The following SPTBN1 variants were observed in gnomAD, a reference collection of about 807,000 sequenced individuals.
SPTBN1 encodes the protein spectrin beta, non-erythrocytic 1.
A neutral mutation model predicts 266.4 loss-of-function variants in SPTBN1; 32 were observed. The ratio of observed to expected loss-of-function variants is 0.12; its 90% CI spans 0.09 to 0.16. The LOEUF is 0.16. SPTBN1 is among the 10% of genes least tolerant of loss of function. The probability of loss-of-function intolerance (pLI) is 1.00; values close to 1 mark genes in which losing one functional copy is unlikely to be tolerated. For synonymous variants in SPTBN1, 1,336 were observed against 1,162.2 expected (o/e 1.15, Z -3.04); for missense variants, 2,296 against 3,067.1 (o/e 0.75, Z 5.94).
intron 2 of SPTBN1, among the ~76,000 whole-genome samples, chr2:54,550,024 C>G (rs1672477045): frequency 6.6e-6 from 1 of 152,200 alleles, no homozygotes; most frequent in African/African-American, 2.4e-5. Context: ...ACATCACTTT[C>G]TCCCTACCCC....
At chr2:54,517,887 G>T (rs1002950103) in intron 1 of SPTBN1, among the ~76,000 whole-genome samples, 1 of 150,630 alleles carries the variant, frequency 6.6e-6, no homozygotes, top group African/African-American at 2.4e-5. Flanking sequence ...CTCATGATCC[G>T]CCCGCCTCAG....
chr2:54,631,384 A>C lies in SPTBN1; in HGVS notation c.3337A>C (p.Asn1113His). The change falls in exon 16 of 36, where the codon AAC becomes CAC. Residue 1113 changes from asparagine (N) to histidine (H), a missense_variant. By Grantham distance (68) the Asn-to-His change is moderately conservative. Transcript: ENST00000356805. The part of the protein sequence containing the change: ...QHENIKNEID[N>H]YEEDYQKMRD... ...CGAGAACATCAAGAACGAGATCGAC[A>C]ACTACGAGGAGGACTACCAGAAGAT... is the stretch of plus-strand genomic sequence containing the variant. The C allele has an allele frequency of 6.2e-7, 1 of 1,614,260 alleles. No homozygotes were observed. Among genetic ancestry groups the C allele is most frequent in the Non-Finnish European group, 8.5e-7 (1 of 1,180,040 alleles).
chr2:54,484,627 G>A (rs897906502), intron 1 of SPTBN1, among the ~76,000 whole-genome samples: 1 of 152,154 alleles, frequency 6.6e-6, no homozygotes, highest in Non-Finnish European at 1.5e-5. Flanking sequence ...ACTCTTCAGG[G>A]TGCCACTATT....
intron 28 of SPTBN1, 94 bp from the exon 29 acceptor site, chr2:54,655,820 T>C: frequency 1.1e-6 from 1 of 901,652 alleles, no homozygotes; most frequent in Non-Finnish European, 1.7e-6. Context: ...TGGTGGTCTT[T>C]GCAGAAAATG....
intron 2 of SPTBN1, among the ~76,000 whole-genome samples, chr2:54,581,253 G>T (rs1302625092): frequency 1.3e-5 from 2 of 152,132 alleles, no homozygotes; most frequent in Admixed American, 1.3e-4. Context: ...AGTGTAGAAT[G>T]GACAACAAAG....
chr2:54,656,140 T>A, intron 29 of SPTBN1, 142 bp downstream of exon 29: 1 of 635,352 alleles, frequency 1.6e-6, no homozygotes, highest in Non-Finnish European at 2.7e-6. Context: ...TTTCACCATT[T>A]CATGGTAAAT....
intron 18 of SPTBN1, among the ~76,000 whole-genome samples, chr2:54,638,538 A>C (rs909768294): frequency 6.6e-6 from 1 of 152,220 alleles, no homozygotes; most frequent in African/African-American, 2.4e-5. Flanking sequence ...GTACTATTTC[A>C]TGCTCTTCTG....
At chr2:54,473,367 C>G (rs1694023575) in intron 1 of SPTBN1, among the ~76,000 whole-genome samples, 1 of 152,156 alleles carries the variant, frequency 6.6e-6, no homozygotes, top group Non-Finnish European at 1.5e-5. Context: ...ATGTATTGAT[C>G]TTTTCACTTT....
At chr2:54,523,190 A>G (rs777271678) in intron 1 of SPTBN1, among the ~76,000 whole-genome samples, 10 of 152,226 alleles carry the variant, frequency 6.6e-5, no homozygotes, top group African/African-American at 9.6e-5. Flanking sequence ...AGATCATTCA[A>G]TGGAATATAC....
chr2:54,604,064 A>AG (rs1372719700), intron 3 of SPTBN1, among the ~76,000 whole-genome samples: 1 of 152,194 alleles, frequency 6.6e-6, no homozygotes, highest in Non-Finnish European at 1.5e-5. Context: ...CAGGGAAAAT[A>AG]AGTGACCAGC....
At chr2:54,666,918 C>T (rs1347040105) in intron 34 of SPTBN1, among the ~76,000 whole-genome samples, 1 of 152,218 alleles carries the variant, frequency 6.6e-6, no homozygotes, top group East Asian at 1.9e-4. Flanking sequence ...GAACACTTTA[C>T]ATTTTGTAGG....
At chr2:54,655,758 C>T (rs1001859628) in intron 28 of SPTBN1, among the ~76,000 whole-genome samples, 156 bp from the exon 29 acceptor site, 1 of 152,224 alleles carries the variant, frequency 6.6e-6, no homozygotes, top group African/African-American at 2.4e-5. Context: ...CTTTTCTTTC[C>T]TCTCCCAGTC....
At chr2:54,591,577 C>T (rs1675685657) in intron 2 of SPTBN1, among the ~76,000 whole-genome samples, 1 of 152,196 alleles carries the variant, frequency 6.6e-6, no homozygotes, top group Non-Finnish European at 1.5e-5. Flanking sequence ...TTTAGGGGAA[C>T]AATGAATAGG....
intron 1 of SPTBN1, among the ~76,000 whole-genome samples, chr2:54,504,514 A>G (rs1295382330): frequency 1.3e-5 from 2 of 152,184 alleles, no homozygotes; most frequent in Non-Finnish European, 2.9e-5. Flanking sequence ...CAGAAGCACG[A>G]TTTGCTGCTT....
intron 1 of SPTBN1, among the ~76,000 whole-genome samples, chr2:54,494,309 T>C (rs1300215253): frequency 6.6e-6 from 1 of 152,244 alleles, no homozygotes; most frequent in Non-Finnish European, 1.5e-5. Context: ...CTCATTGTTT[T>C]AAACAACTTG....
chr2:54,625,888 G>T (rs1381661853), intron 11 of SPTBN1, 44 bp from the exon 12 acceptor site: 1 of 1,584,684 alleles, frequency 6.3e-7, no homozygotes, highest in Middle Eastern at 1.7e-4. Flanking sequence ...ACTGTGCCCG[G>T]GTGGATTTTT....
chr2:54,620,415 C>T (rs546393677), intron 7 of SPTBN1, among the ~76,000 whole-genome samples: 1 of 152,196 alleles, frequency 6.6e-6, no homozygotes, highest in South Asian at 2.1e-4. Flanking sequence ...CCATTTCAGA[C>T]AAAGGGAAGT....
At chr2:54,573,508 C>T (rs566590276) in intron 2 of SPTBN1, among the ~76,000 whole-genome samples, 7 of 152,270 alleles carry the variant, frequency 4.6e-5, no homozygotes, top group Non-Finnish European at 1.0e-4. Context: ...TAATAGGTCA[C>T]GGGCCAGGAC....
intron 3 of SPTBN1, among the ~76,000 whole-genome samples, chr2:54,603,032 C>T (rs1217423108): frequency 2.0e-5 from 3 of 152,164 alleles, no homozygotes; most frequent in Admixed American, 6.5e-5. Context: ...TGGGTCTAAT[C>T]ACACAAACTT....
Sources: allele counts gnomAD v4.1 joint callset (sites outside exome capture counted in the v4.1 genomes callset), GRCh38; gene constraint gnomAD v4.1.1; transcripts MANE v1.5; gene names NCBI Gene and HGNC (gene_info 2026-07-23, HGNC 2026-07-21).